The following ADIPOR2 variants were observed in gnomAD, a reference collection of about 807,000 sequenced individuals.
ADIPOR2 encodes the protein adiponectin receptor 2, also known as adiponectin receptor protein 2.
In ADIPOR2, 18 loss-of-function variants were observed where a neutral mutation model predicts 40.9. That is an observed-to-expected ratio of 0.44 (90% confidence interval 0.30 to 0.65). ADIPOR2 has a LOEUF of 0.65. Ranked by LOEUF, ADIPOR2 falls within the 30% of genes least tolerant of loss-of-function variation. The probability of loss-of-function intolerance (pLI) is 0.09; values close to 1 mark genes in which losing one functional copy is unlikely to be tolerated. For missense variants in ADIPOR2, 283 were observed against 479.2 expected (o/e 0.59, Z 3.82); for synonymous variants, 165 against 166.4 (o/e 0.99, Z 0.06).
intron 1 of ADIPOR2, among the ~76,000 whole-genome samples, chr12:1,726,683 G>A (rs1185703904): frequency 2.0e-5 from 3 of 151,456 alleles, no homozygotes; most frequent in African/African-American, 7.3e-5. Flanking sequence ...TTTTTTAAAG[G>A]ATTTTATCCA....
chr12:1,754,677 T>A (rs1326447342), intron 2 of ADIPOR2, among the ~76,000 whole-genome samples, 163 bp downstream of exon 2: 1 of 148,888 alleles, frequency 6.7e-6, no homozygotes, highest in African/African-American at 2.5e-5. Context: ...TAACTTGAAG[T>A]CTCTTATCTT....
chr12:1,783,206 G>A (rs981494535), intron 6 of ADIPOR2, among the ~76,000 whole-genome samples: 1 of 151,490 alleles, frequency 6.6e-6, no homozygotes, highest in African/African-American at 2.4e-5. Flanking sequence ...CCCCAACAAC[G>A]CCTGCTGCTT....
chr12:1,781,737 C>T (rs1214667354), intron 6 of ADIPOR2, among the ~76,000 whole-genome samples: 2 of 152,162 alleles, frequency 1.3e-5, no homozygotes, highest in South Asian at 4.1e-4. Flanking sequence ...TGAGAATGAA[C>T]AAGGAGTGTT....
intron 3 of ADIPOR2, among the ~76,000 whole-genome samples, chr12:1,776,318 T>G (rs1862594294): frequency 6.6e-6 from 1 of 151,774 alleles, no homozygotes; most frequent in Non-Finnish European, 1.5e-5. Context: ...TTCCATAGAG[T>G]AGAGAGAGAG....
At chr12:1,782,497 A>G (rs1862737327) in intron 6 of ADIPOR2, among the ~76,000 whole-genome samples, 1 of 152,192 alleles carries the variant, frequency 6.6e-6, no homozygotes, top group Non-Finnish European at 1.5e-5. Flanking sequence ...GTGGATTTAG[A>G]TCAGTGGACT....
Position 1,774,589 on chromosome 12 carries a change from T to TGA in ADIPOR2, c.291+1628_291+1629insGA, listed in dbSNP as rs569594523. Among the ~76,000 whole-genome samples, 7 of 152,238 alleles carry TGA rather than the reference T, an allele frequency of 4.6e-5. 1 individual carries two copies. The highest frequency in any genetic ancestry group is 8.8e-5 in the Non-Finnish European group (6 of 68,038). On this transcript the variant is annotated intron_variant, in intron 3 of 7. Coordinates refer to ENST00000357103, the MANE Select transcript of ADIPOR2 (RefSeq NM_024551.3). ...AAATGTGCTGTGGATAATTTAGTCT[T>TGA]TAGAGTTTCCACGTTTGATCTTGGT...
At chr12:1,738,401 T>A (rs2094735731) in intron 1 of ADIPOR2, among the ~76,000 whole-genome samples, 1 of 151,950 alleles carries the variant, frequency 6.6e-6, no homozygotes, top group Admixed American at 6.6e-5. Context: ...TTTTAGTAGT[T>A]TCTGTGTTTT....
At chr12:1,757,253 G>A in intron 2 of ADIPOR2, 4 of 567,654 alleles carry the variant, frequency 7.0e-6, no homozygotes, top group East Asian at 3.1e-5. Context: ...CTGTTTGGTC[G>A]CCAGTCTTTT....
At chr12:1,757,475 C>T in intron 2 of ADIPOR2, 1 of 729,614 alleles carries the variant, frequency 1.4e-6, no homozygotes, top group South Asian at 1.5e-5. Flanking sequence ...CACCTACAGT[C>T]ACCATGCATA....
chr12:1,729,925 G>A (rs950887962), intron 1 of ADIPOR2, among the ~76,000 whole-genome samples: 7 of 152,112 alleles, frequency 4.6e-5, no homozygotes, highest in African/African-American at 1.4e-4. Context: ...TGCAGCATAA[G>A]AGTGCACCCT....
intron 1 of ADIPOR2, among the ~76,000 whole-genome samples, chr12:1,709,086 C>G (rs972897408): frequency 2.0e-5 from 3 of 152,084 alleles, no homozygotes; most frequent in African/African-American, 4.8e-5. Context: ...TTTGGTTACT[C>G]TAGATTCTTT....
chr12:1,761,125 A>ATAGGGAG (rs1241774057), intron 2 of ADIPOR2: 2 of 152,196 alleles, frequency 1.3e-5, no homozygotes, highest in African/African-American at 4.8e-5. Flanking sequence ...AAACTATGTT[A>ATAGGGAG]TAGGTATGTA....
At chr12:1,751,848 G>A (rs2094769901) in intron 1 of ADIPOR2, among the ~76,000 whole-genome samples, 1 of 151,670 alleles carries the variant, frequency 6.6e-6, no homozygotes, top group South Asian at 2.1e-4. Context: ...TCATAAATGA[G>A]CAACATTCCT....
chr12:1,704,960 T>G (rs907591419), intron 1 of ADIPOR2, among the ~76,000 whole-genome samples: 1 of 152,174 alleles, frequency 6.6e-6, no homozygotes, highest in Admixed American at 6.5e-5. Context: ...CTTGTAAAAT[T>G]GAGAAAGATA....
chr12:1,718,194 G>A (rs1368926551), intron 1 of ADIPOR2, among the ~76,000 whole-genome samples: 1 of 151,956 alleles, frequency 6.6e-6, no homozygotes, highest in African/African-American at 2.4e-5. Flanking sequence ...CTGCTGTATT[G>A]TGTATAGCCT....
At chr12:1,702,468 G>C (rs918799282) in intron 1 of ADIPOR2, among the ~76,000 whole-genome samples, 9 of 152,158 alleles carry the variant, frequency 5.9e-5, no homozygotes, top group African/African-American at 2.2e-4. Context: ...GGCATTGTCA[G>C]ATTTTTTACA....
At chr12:1,742,902 A>G (rs368724055) in intron 1 of ADIPOR2, among the ~76,000 whole-genome samples, 52 of 152,274 alleles carry the variant, frequency 3.4e-4, no homozygotes, top group African/African-American at 1.2e-3. Flanking sequence ...TTACTTTAGG[A>G]TTCAGGATTT....
chr12:1,754,051 CAT>C (rs1395385527), intron 1 of ADIPOR2, among the ~76,000 whole-genome samples: 1 of 152,066 alleles, frequency 6.6e-6, no homozygotes, highest in African/African-American at 2.4e-5. Context: ...TAAGTGGGAA[CAT>C]ATTATTCATG....
chr12:1,727,510 T>A (rs2094710354), intron 1 of ADIPOR2, among the ~76,000 whole-genome samples: 1 of 152,122 alleles, frequency 6.6e-6, no homozygotes, highest in East Asian at 1.9e-4. Flanking sequence ...ACCTCTCTGG[T>A]CTCTCCAGAA....
Sources: gnomAD v4.1 joint callset for allele counts (sites outside exome capture counted in the v4.1 genomes callset) on GRCh38, gnomAD v4.1.1 for gene constraint, MANE v1.5 for transcripts, NCBI Gene and HGNC (gene_info 2026-07-23, HGNC 2026-07-21) for gene names.